Variants in STRA6 observed in about 807,000 individuals in gnomAD.
STRA6 encodes signaling receptor and transporter of retinol STRA6, also known as receptor for retinol uptake STRA6.
A neutral mutation model predicts 83.6 loss-of-function variants in STRA6; 48 were observed. That is an observed-to-expected ratio of 0.57 (90% CI 0.46 to 0.73). The LOEUF is 0.73. Ranked by LOEUF, STRA6 falls within the 30% of genes least tolerant of loss-of-function variation. The probability of loss-of-function intolerance (pLI) is 0.00; values close to 1 mark genes in which losing one functional copy is unlikely to be tolerated. For missense variants in STRA6, 760 were observed against 838.8 expected (o/e 0.91, Z 1.16); for synonymous variants, 353 against 362.3 (o/e 0.97, Z 0.29).
intron 8 of STRA6, 68 bp downstream of exon 8, chr15:74,193,732 C>T (rs2073665242): frequency 1.2e-6 from 2 of 1,604,978 alleles, no homozygotes; most frequent in Non-Finnish European, 1.7e-6. Flanking sequence ...TATCTGGGAC[C>T]ACAGATACGG....
At chr15:74,180,669 A>G in intron 18 of STRA6, 113 bp downstream of exon 18, 1 of 1,456,124 alleles carries the variant, frequency 6.9e-7, no homozygotes, top group Admixed American at 2.3e-5. Flanking sequence ...GCCAAGGAAG[A>G]GAGGAAGTGA....
chr15:74,199,328 A>G (rs1228558471), intron 2 of STRA6, among the ~76,000 whole-genome samples: 1 of 152,144 alleles, frequency 6.6e-6, no homozygotes, highest in East Asian at 1.9e-4. Flanking sequence ...GGAGAGGCAG[A>G]GTAAGTCAGC....
At chr15:74,194,766 A>T in intron 7 of STRA6, 25 of 1,268,832 alleles carry the variant, frequency 2.0e-5, no homozygotes, top group East Asian at 5.9e-5. Context: ...TGAAGTGGTG[A>T]AGCTGGATTC....
intron 8 of STRA6, among the ~76,000 whole-genome samples, chr15:74,193,282 T>C (rs537549739): frequency 6.6e-6 from 1 of 152,332 alleles, no homozygotes; most frequent in East Asian, 1.9e-4. Context: ...GCCTGCTCCT[T>C]ATTCTCTCAT....
At chr15:74,187,960 C>T (rs1289444564) in intron 12 of STRA6, among the ~76,000 whole-genome samples, 1 of 152,148 alleles carries the variant, frequency 6.6e-6, no homozygotes, top group Non-Finnish European at 1.5e-5. Context: ...TGTGGGCTGA[C>T]CTGGACCATG....
chr15:74,191,954 A>G, intron 8 of STRA6: 1 of 235,840 alleles, frequency 4.2e-6, no homozygotes, highest in Non-Finnish European at 8.4e-6. Context: ...GGGAGATCAC[A>G]AGGGTGACCA....
chr15:74,187,496 G>A (rs1372353977), intron 12 of STRA6, among the ~76,000 whole-genome samples: 1 of 151,972 alleles, frequency 6.6e-6, no homozygotes, highest in Non-Finnish European at 1.5e-5. Context: ...TGTAAGTGAT[G>A]GAACAGAGAT....
chr15:74,184,060 G>A (rs1231904011), intron 13 of STRA6, 71 bp from the exon 14 acceptor site: 1 of 1,595,210 alleles, frequency 6.3e-7, no homozygotes, highest in East Asian at 2.2e-5. Context: ...CTCTGGGCCA[G>A]CAACTGGCCA....
intron 8 of STRA6, 133 bp downstream of exon 8, chr15:74,193,667 C>A (rs559687674): frequency 1.4e-6 from 2 of 1,480,672 alleles, no homozygotes; most frequent in South Asian, 2.3e-5. Context: ...AGTCACTCAG[C>A]AAACATTTTC....
chr15:74,204,996 G>C (rs1202013506), upstream of STRA6, among the ~76,000 whole-genome samples: 1 of 152,194 alleles, frequency 6.6e-6, no homozygotes, highest in Non-Finnish European at 1.5e-5. Context: ...GCCTAACTCT[G>C]CCTTCCCCAG....
intron 7 of STRA6, chr15:74,194,684 G>C (rs765508042): frequency 9.8e-7 from 1 of 1,021,642 alleles, no homozygotes; most frequent in African/African-American, 1.7e-5. Context: ...CTGTAGTCCA[G>C]TGCCTGGAAA....
chr15:74,185,884 G>C (rs527237333), intron 12 of STRA6, among the ~76,000 whole-genome samples: 2 of 152,364 alleles, frequency 1.3e-5, no homozygotes, highest in East Asian at 3.9e-4. Context: ...TTTCTAAGCA[G>C]ATCCAGAATG....
upstream of STRA6, chr15:74,209,407 T>G: frequency 6.5e-7 from 1 of 1,535,606 alleles, no homozygotes; most frequent in Non-Finnish European, 8.7e-7. Flanking sequence ...GCCTGATGAA[T>G]TGCCAGAGGG....
At chr15:74,190,993 A>T (rs1206786767) in intron 10 of STRA6, 92 bp from the exon 11 acceptor site, 1 of 1,591,960 alleles carries the variant, frequency 6.3e-7, no homozygotes, top group Non-Finnish European at 8.6e-7. Context: ...AAGGGCCAGC[A>T]GGACCCTAAA....
chr15:74,197,219 G>T, intron 4 of STRA6, 119 bp downstream of exon 4: 1 of 723,778 alleles, frequency 1.4e-6, no homozygotes, highest in Non-Finnish European at 2.4e-6. Flanking sequence ...GGCTGAGGGC[G>T]ATAGGGATGT....
chr15:74,197,522 G>A, intron 3 of STRA6, 99 bp from the exon 4 acceptor site: 2 of 1,150,574 alleles, frequency 1.7e-6, no homozygotes, highest in Non-Finnish European at 2.6e-6. Context: ...TCCCCTACCT[G>A]CCCAGTGCAC....
upstream of STRA6, chr15:74,207,755 T>C (rs1433610693): frequency 3.3e-6 from 5 of 1,535,670 alleles, no homozygotes; most frequent in South Asian, 2.4e-5. Context: ...GTCAACCTCA[T>C]GCGGGCCCGT....
Position 74,190,869 on chromosome 15 carries a change from C to G in STRA6, c.898G>C (p.Ala300Pro). The change falls in exon 11 of 19, where the codon GCT (alanine) becomes CCT (proline). Residue 300 changes from alanine to proline, a missense_variant. Physicochemically the swap from Ala to Pro is conservative, Grantham distance 27. Coordinates refer to ENST00000395105, the MANE Select transcript of STRA6 (RefSeq NM_022369.4). The part of the protein sequence containing the change: ...FHLPLKLVLS[A>P]TLTGTAIYQV... ...TAAATGGCCGTCCCTGTCAGTGTAGCTGAAAGCACCAGCTTCAGCGGGAGA... is the reference window on the plus strand; with the variant it reads ...TAAATGGCCGTCCCTGTCAGTGTAGGTGAAAGCACCAGCTTCAGCGGGAGA... 6.2e-7 allele frequency: 1 copy of G among 1,613,976 alleles called. No individual in the cohort carries two copies. Among genetic ancestry groups the G allele is most frequent in the Admixed American group, 1.7e-5 (1 of 60,002 alleles).
chr15:74,211,576 G>A (rs1451715010), upstream of STRA6, among the ~76,000 whole-genome samples: 5 of 151,958 alleles, frequency 3.3e-5, no homozygotes, highest in Admixed American at 1.3e-4. Flanking sequence ...GAATTTTTTT[G>A]TATTTTTAGT....
Sources: gnomAD v4.1 joint callset for allele counts (sites outside exome capture counted in the v4.1 genomes callset) on GRCh38, gnomAD v4.1.1 for gene constraint, MANE v1.5 for transcripts, NCBI Gene and HGNC (gene_info 2026-07-23, HGNC 2026-07-21) for gene names.